WLS: variants seen among roughly 807,000 people sequenced by gnomAD.
The protein encoded by WLS is Wnt ligand secretion mediator, also known as protein wntless homolog.
Under a neutral mutation model 62.8 loss-of-function variants are expected in WLS, and 23 were observed. That is an observed-to-expected ratio of 0.37 (90% CI 0.26 to 0.52). The LOEUF (loss-of-function observed/expected upper bound fraction) is 0.52. Among genes scored for constraint, WLS ranks in the 20% least tolerant of loss-of-function variants. The pLI, the probability that WLS is intolerant of heterozygous loss-of-function variation, is 0.92. For synonymous variants in WLS, 246 were observed against 244.1 expected, an observed-to-expected ratio of 1.01 and a Z score of -0.07; for missense variants, 615 against 697.3, an observed-to-expected ratio of 0.88 and a Z score of 1.33.
At chr1:68,126,639 C>T (rs990669834) in intron 11 of WLS, among the ~76,000 whole-genome samples, 5 of 152,256 alleles carry the variant, frequency 3.3e-5, no homozygotes, top group Non-Finnish European at 5.9e-5. Flanking sequence ...TTGTGCCTGA[C>T]GCTATTCTAA....
At chr1:68,203,590 A>C (rs947403054) in intron 1 of WLS, among the ~76,000 whole-genome samples, 3 of 152,188 alleles carry the variant, frequency 2.0e-5, no homozygotes, top group African/African-American at 7.2e-5. Flanking sequence ...ACTCCCTTGA[A>C]TCTGATACCC....
At chr1:68,113,785 G>A (rs193182897) in intron 11 of WLS, among the ~76,000 whole-genome samples, 17 of 152,230 alleles carry the variant, frequency 1.1e-4, no homozygotes, top group Admixed American at 3.3e-4. Context: ...TGAACTGTCC[G>A]CAGGGAAAGG....
At chr1:68,133,051 GCAGCAACAGCAACAGCAGCA>G (rs1557464631) in intron 11 of WLS, among the ~76,000 whole-genome samples, 26 of 152,072 alleles carry the variant, frequency 1.7e-4, no homozygotes, top group African/African-American at 3.6e-4. Flanking sequence ...AAAGGCAGCA[GCAGCAACAGCAACAGCAGCA>G]GCAGCAGCAG....
chr1:68,204,809 C>T (rs1043379238), intron 1 of WLS, among the ~76,000 whole-genome samples: 3 of 152,088 alleles, frequency 2.0e-5, no homozygotes, highest in Non-Finnish European at 4.4e-5. Context: ...TCCTTTGGTG[C>T]CAGTATCACC....
chr1:68,113,766 G>A (rs940722542), intron 11 of WLS, among the ~76,000 whole-genome samples: 2 of 152,134 alleles, frequency 1.3e-5, no homozygotes, highest in African/African-American at 4.8e-5. Context: ...TTTACAATAT[G>A]CTCCCAGGTG....
intron 1 of WLS, chr1:68,231,485 A>G (rs1650415465): frequency 3.5e-6 from 1 of 285,426 alleles, no homozygotes; most frequent in Non-Finnish European, 7.0e-6. Context: ...CACCTTTCGG[A>G]TACGCTTTTC....
At chr1:68,118,875 C>CCAA (rs1646328835) in intron 11 of WLS, among the ~76,000 whole-genome samples, 1 of 26,384 alleles carries the variant, frequency 3.8e-5, no homozygotes, top group African/African-American at 1.2e-4. Flanking sequence ...GACTCTGTCT[C>CCAA]AAAAAAAAAA....
At chr1:68,229,411 C>T (rs1557533743) in intron 1 of WLS, among the ~76,000 whole-genome samples, 1 of 151,290 alleles carries the variant, frequency 6.6e-6, no homozygotes, top group Non-Finnish European at 1.5e-5. Flanking sequence ...TGGCCTACTG[C>T]AGATATATTA....
chr1:68,104,083 G>C (rs1038870142), intron 11 of WLS, among the ~76,000 whole-genome samples: 2 of 152,036 alleles, frequency 1.3e-5, no homozygotes, highest in African/African-American at 4.8e-5. Flanking sequence ...CCCACCTTGA[G>C]GCACAGGACA....
chr1:68,140,922 C>T (rs1261392603), intron 10 of WLS, among the ~76,000 whole-genome samples: 1 of 152,094 alleles, frequency 6.6e-6, no homozygotes, highest in Admixed American at 6.6e-5. Context: ...GCGGAGGTAA[C>T]AGTCTCCCCC....
At chr1:68,226,084 G>T (rs1355587919) in intron 1 of WLS, among the ~76,000 whole-genome samples, 1 of 152,114 alleles carries the variant, frequency 6.6e-6, no homozygotes, top group Non-Finnish European at 1.5e-5. Context: ...TGTACAGCTG[G>T]ACTCCATTTC....
In WLS at chr1:68,169,843, G is replaced by T. The variant is rs567343493; in HGVS notation, c.380-10596C>A. ...GCTAAGGTGTTATGTAGCAGCCTAG[G>T]TTCTAGTTCTATGAACGTTCACTAC... On this transcript the variant is annotated intron_variant, in intron 2 of 11. Coordinates refer to ENST00000262348, the MANE Select transcript of WLS (RefSeq NM_024911.7). 4.6e-5 allele frequency among the ~76,000 whole-genome samples: 7 copies of T among 152,296 alleles called. No homozygotes were observed. In the East Asian group the frequency reaches 1.4e-3, roughly 29 times the overall value.
chr1:68,171,196 C>T (rs2100541051), intron 2 of WLS, among the ~76,000 whole-genome samples: 1 of 152,242 alleles, frequency 6.6e-6, no homozygotes, highest in East Asian at 1.9e-4. Flanking sequence ...GGATGTAAAG[C>T]CTAAAACCAT....
intron 10 of WLS, chr1:68,142,582 T>A (rs1201479241): frequency 6.6e-6 from 1 of 152,228 alleles, no homozygotes; most frequent in East Asian, 1.9e-4. Flanking sequence ...CTTTCAGAGT[T>A]TGAAATAGTT....
intron 2 of WLS, among the ~76,000 whole-genome samples, chr1:68,171,846 A>G (rs540748155): frequency 1.3e-5 from 2 of 152,238 alleles, no homozygotes; most frequent in Non-Finnish European, 2.9e-5. Flanking sequence ...TCATTCTACT[A>G]TAAAGACACA....
intron 2 of WLS, among the ~76,000 whole-genome samples, chr1:68,170,160 C>G (rs796105241): frequency 1.2e-5 from 1 of 86,752 alleles, no homozygotes; most frequent in African/African-American, 4.3e-5. Flanking sequence ...GCTACTATTT[C>G]TTTTTTTTTT....
chr1:68,151,461 A>C (rs1434984014), intron 5 of WLS, among the ~76,000 whole-genome samples: 1 of 152,228 alleles, frequency 6.6e-6, no homozygotes, highest in Non-Finnish European at 1.5e-5. Context: ...TTAAACTCCT[A>C]CTATGTGTCA....
chr1:68,158,621 T>A (rs774830889), intron 3 of WLS, among the ~76,000 whole-genome samples: 2 of 151,764 alleles, frequency 1.3e-5, no homozygotes, highest in African/African-American at 2.4e-5. Context: ...AAAGAAATTA[T>A]AATGTTTTAA....
Position 68,103,518 on chromosome 1 carries a change from A to C in WLS, c.1511-4765T>G, listed in dbSNP as rs187294987. ...CAGTTCTTCTCTTCTTATGGATTCAAGTGGTCAGAGCTGAGTGATTGGAGG... is the reference window on the plus strand; with the variant it reads ...CAGTTCTTCTCTTCTTATGGATTCACGTGGTCAGAGCTGAGTGATTGGAGG... On this transcript the variant is annotated intron_variant, in intron 11 of 11. Coordinates refer to the WLS transcript ENST00000354777. 3.3e-3 allele frequency among the ~76,000 whole-genome samples: 510 copies of C among 152,332 alleles called. 3 individuals are homozygous for C. Among genetic ancestry groups the C allele is most frequent in the African/African-American group, 0.012 (484 of 41,578 alleles).
Sources: allele counts gnomAD v4.1 joint callset (sites outside exome capture counted in the v4.1 genomes callset), GRCh38; gene constraint gnomAD v4.1.1; transcripts MANE v1.5; gene names NCBI Gene and HGNC (gene_info 2026-07-23, HGNC 2026-07-21).